SLAIN1: variants seen among roughly 807,000 people sequenced by gnomAD.
The protein encoded by SLAIN1 is SLAIN motif-containing protein 1.
In SLAIN1, 17 loss-of-function variants were observed where a neutral mutation model predicts 55.4. The observed-to-expected ratio is 0.31, with a 90% CI of 0.21 to 0.46. SLAIN1 has a LOEUF of 0.46. Ranked by LOEUF, SLAIN1 falls within the 20% of genes least tolerant of loss-of-function variation. The probability of loss-of-function intolerance (pLI) is 1.00; values close to 1 mark genes in which losing one functional copy is unlikely to be tolerated. For synonymous variants in SLAIN1, 348 were observed against 337.4 expected, an observed-to-expected ratio of 1.03 and a Z score of -0.35; for missense variants, 682 against 785.1, an observed-to-expected ratio of 0.87 and a Z score of 1.57.
At chr13:77,709,693 C>A (rs1012408959) in intron 1 of SLAIN1, among the ~76,000 whole-genome samples, 3 of 152,190 alleles carry the variant, frequency 2.0e-5, no homozygotes, top group African/African-American at 7.2e-5. Context: ...CCTTTACAGA[C>A]AAGCTAATGC....
In SLAIN1 at chr13:77,698,869, G is replaced by A; in HGVS notation, c.626+330G>A. On this transcript the variant is annotated intron_variant, in intron 1 of 6. Transcript: ENST00000418532. The surrounding 1 kb of genome is among the most constrained non-coding windows in gnomAD (Gnocchi z 4.1). ...TTAAGTGCAAAATCCATGTCATCTT[G>A]TCTTTTTGCTCAGTGCTGCTCTTTT... The A allele has an allele frequency of 6.6e-7, 1 of 1,513,914 alleles. No homozygotes were observed. The highest frequency in any genetic ancestry group is 1.2e-5 in the South Asian group (1 of 82,458). 93.8% of individuals were successfully genotyped at this position (1,513,914 alleles called of 1,614,324 possible). A position where few individuals can be genotyped will look rare whatever the true frequency, so the allele number is the denominator to read the frequency against.
intron 2 of SLAIN1, among the ~76,000 whole-genome samples, chr13:77,734,682 A>C (rs912467418): frequency 8.5e-5 from 13 of 152,288 alleles, no homozygotes; most frequent in African/African-American, 3.1e-4. Flanking sequence ...GAAAACTCCT[A>C]CAGAATCTTT....
intron 2 of SLAIN1, chr13:77,741,439 C>T (rs1873432697): frequency 1.0e-6 from 1 of 987,300 alleles, no homozygotes; most frequent in African/African-American, 1.7e-5. Context: ...TGCTTAACCA[C>T]TGTAAGTTAC....
intron 1 of SLAIN1, among the ~76,000 whole-genome samples, chr13:77,706,726 G>A (rs979727538): frequency 6.6e-6 from 1 of 152,024 alleles, no homozygotes; most frequent in African/African-American, 2.4e-5. Context: ...TGAGAAAGGA[G>A]ACCTGCAGGA....
intron 1 of SLAIN1, among the ~76,000 whole-genome samples, chr13:77,702,088 G>A (rs1594246175): frequency 1.3e-5 from 2 of 150,054 alleles, no homozygotes; most frequent in Admixed American, 1.3e-4. Flanking sequence ...CCCTACAAAG[G>A]ACATGAACTC....
chr13:77,752,613 A>G (rs941895997), intron 4 of SLAIN1, among the ~76,000 whole-genome samples: 1 of 152,154 alleles, frequency 6.6e-6, no homozygotes, highest in African/African-American at 2.4e-5. Context: ...GCTGAGGAGC[A>G]AGGAAGACAG....
chr13:77,719,483 C>T (rs776732614), intron 1 of SLAIN1, 49 bp from the exon 2 acceptor site: 88 of 1,367,506 alleles, frequency 6.4e-5, no homozygotes, highest in Admixed American at 2.2e-4. Flanking sequence ...GAGAGAGGTA[C>T]TCTCTGTATA....
At chr13:77,709,831 C>T (rs541091579) in intron 1 of SLAIN1, among the ~76,000 whole-genome samples, 118 of 152,068 alleles carry the variant, frequency 7.8e-4, no homozygotes, top group Non-Finnish European at 1.5e-3. Context: ...AGTGCAATGG[C>T]GCGATCTCGG....
chr13:77,699,130 A>G (rs2091005298), intron 1 of SLAIN1: 7 of 1,409,052 alleles, frequency 5.0e-6, no homozygotes, highest in Non-Finnish European at 6.7e-6. Flanking sequence ...TCTTATTTTC[A>G]GAGACTGACT....
At chr13:77,731,732 C>T (rs1872871772) in intron 2 of SLAIN1, among the ~76,000 whole-genome samples, 1 of 152,142 alleles carries the variant, frequency 6.6e-6, no homozygotes, top group East Asian at 1.9e-4. Flanking sequence ...ATCCAGTAAA[C>T]CTTGACAGTG....
chr13:77,732,369 T>C (rs1000652316), intron 2 of SLAIN1, among the ~76,000 whole-genome samples: 4 of 152,162 alleles, frequency 2.6e-5, no homozygotes, highest in African/African-American at 9.7e-5. Flanking sequence ...TATTTCTTCA[T>C]GTAATTAGAT....
At chr13:77,723,977 T>G (rs1146915) in intron 2 of SLAIN1, among the ~76,000 whole-genome samples, 19,492 of 151,928 alleles carry the variant, frequency 0.13, 2,238 homozygotes, top group African/African-American at 0.31. Flanking sequence ...TGCTGCATAT[T>G]GAGTGACTTC....
chr13:77,740,869 C>T (rs759296052), intron 2 of SLAIN1, among the ~76,000 whole-genome samples: 151 of 152,216 alleles, frequency 9.9e-4, no homozygotes, highest in Non-Finnish European at 1.8e-3. Flanking sequence ...TCCTCCTCCT[C>T]CTCCACTGTA....
Position 77,698,449 on chromosome 13 carries a change from C to G in SLAIN1, c.536C>G (p.Pro179Arg). 4 of 1,438,688 alleles carry G rather than the reference C, an allele frequency of 2.8e-6. No individual in the cohort carries two copies. The highest frequency in any genetic ancestry group is 3.6e-6 in the Non-Finnish European group (4 of 1,101,058). The allele number at this position is 1,438,688 out of a possible 1,614,324, so 89.1% of individuals were successfully genotyped here. ...ACGCCGCCAGGGGCAGCTGCAGCGC[C>G]GCCCTCGCCGCCCCCCACGCTGCTG... ...AGTPPGAAAA[P>R]PSPPPTLLDE... The change falls in exon 1 of 7, where the codon CCG becomes CGG. Residue 179 changes from proline to arginine, a missense_variant. Pro to Arg is a moderately radical substitution (Grantham distance 103). Around this residue, in one of 3 missense-constraint regions of SLAIN1, gnomAD observed 401 missense variants for 417.3 expected, o/e 0.96. Transcript: ENST00000418532. This position sits in a 1 kb window ranked among gnomAD's most constrained non-coding sequence, Gnocchi z 4.1.
intron 1 of SLAIN1, among the ~76,000 whole-genome samples, chr13:77,708,786 T>TA (rs1451272576): frequency 1.3e-5 from 2 of 152,062 alleles, no homozygotes; most frequent in African/African-American, 4.8e-5. Context: ...CAAAGGTAGA[T>TA]AAATCCACGA....
At chr13:77,762,752 A>T (rs1806542815) in intron 6 of SLAIN1, among the ~76,000 whole-genome samples, 1 of 152,206 alleles carries the variant, frequency 6.6e-6, no homozygotes. Context: ...TTCAATTACT[A>T]ATAAGGTTTT....
At chr13:77,730,174 G>T (rs988446682) in intron 2 of SLAIN1, among the ~76,000 whole-genome samples, 1 of 152,148 alleles carries the variant, frequency 6.6e-6, no homozygotes, top group Non-Finnish European at 1.5e-5. Context: ...AGACATGTGT[G>T]CAGCGTCTTC....
At chr13:77,747,126 A>G (rs1487152041) in intron 4 of SLAIN1, among the ~76,000 whole-genome samples, 2 of 151,884 alleles carry the variant, frequency 1.3e-5, no homozygotes, top group East Asian at 1.9e-4. Flanking sequence ...TATTTTTAGT[A>G]GAGATGGGGT....
Position 77,719,621 on chromosome 13 carries a change from C to A in SLAIN1, c.716C>A (p.Thr239Asn). 3 of 1,613,540 alleles carry A rather than the reference C, an allele frequency of 1.9e-6. No homozygotes were observed. Among genetic ancestry groups the A allele is most frequent in the Non-Finnish European group, 2.5e-6 (3 of 1,179,638 alleles). ...TGTAGACATGTCCTAGATAACCCAA[C>A]TCCTGAGATGGAAGCAGCGAGACGT... ...QWCRHVLDNPTPEMEAARRSL... is the reference protein window; with the variant it reads ...QWCRHVLDNPNPEMEAARRSL... Residue 239 changes from threonine to asparagine, a missense_variant, in exon 2 of 7, where the codon ACT becomes AAT. By Grantham distance (65) the Thr-to-Asn change is moderately conservative. Around this residue, in one of 3 missense-constraint regions of SLAIN1, gnomAD observed 401 missense variants for 417.3 expected, o/e 0.96. Coordinates refer to ENST00000418532, the MANE Select transcript of SLAIN1 (RefSeq NM_001242868.2).
Sources: allele counts gnomAD v4.1 joint callset (sites outside exome capture counted in the v4.1 genomes callset), GRCh38; gene constraint gnomAD v4.1.1; regional missense constraint gnomAD v4.1.1; non-coding constraint Gnocchi (gnomAD v3.1); transcripts MANE v1.5; gene names NCBI Gene and HGNC (gene_info 2026-07-23, HGNC 2026-07-21).